The following ZZZ3 variants were observed in gnomAD, a reference collection of about 807,000 sequenced individuals.
ZZZ3 encodes zinc finger ZZ-type containing 3, also known as ZZ-type zinc finger-containing protein 3.
ZZZ3 carries 22 observed loss-of-function variants against 95.2 expected under a neutral mutation model. That is an observed-to-expected ratio of 0.23 (90% CI 0.17 to 0.33). ZZZ3 has a LOEUF of 0.33. ZZZ3 is among the 10% of genes least tolerant of loss of function. The pLI, the probability that ZZZ3 is intolerant of heterozygous loss-of-function variation, is 1.00. For synonymous variants in ZZZ3, 335 were observed against 358.9 expected (o/e 0.93, Z 0.75); for missense variants, 885 against 1,066.5 (o/e 0.83, Z 2.37).
chr1:77,641,077 A>T (rs1668736354), intron 3 of ZZZ3: 1 of 152,468 alleles, frequency 6.6e-6, no homozygotes, highest in Non-Finnish European at 1.5e-5. Context: ...TTGAAAACCC[A>T]CTCTTCTTAT....
rs571114130 is a variant in ZZZ3, at chr1:77,623,012, A to G, written c.1505+8838T>C. ...AGAGACATCCACTTACAGTCATAAC[A>G]GAGTAACTGACACAGAATGGCCATC... On this transcript the variant is annotated intron_variant, in intron 5 of 14. Coordinates refer to ENST00000370801, the MANE Select transcript of ZZZ3 (RefSeq NM_015534.6). Among the ~76,000 whole-genome samples, 8 of 152,346 alleles carry G rather than the reference A, an allele frequency of 5.3e-5. No homozygotes were observed. The South Asian group carries it at 1.7e-3, about 32-fold the overall frequency.
At chr1:77,578,216 G>T (rs1662157093) in intron 11 of ZZZ3, among the ~76,000 whole-genome samples, 1 of 152,132 alleles carries the variant, frequency 6.6e-6, no homozygotes, top group South Asian at 2.1e-4. Context: ...TATATTTCAA[G>T]AATTGTAGAA....
chr1:77,601,752 C>T (rs1306276885), intron 5 of ZZZ3, among the ~76,000 whole-genome samples: 1 of 152,096 alleles, frequency 6.6e-6, no homozygotes, highest in Admixed American at 6.5e-5. Context: ...ATGCTAAGCC[C>T]TTTACAACCT....
Position 77,587,069 on chromosome 1 carries a change from A to C in ZZZ3, c.1506-2414T>G, listed in dbSNP as rs554391856. Among the ~76,000 whole-genome samples, 296 of 152,266 alleles carry C rather than the reference A, an allele frequency of 1.9e-3. 2 individuals carry two copies. Among genetic ancestry groups the C allele is most frequent in the Non-Finnish European group, 3.6e-3 (245 of 68,018 alleles). On this transcript the variant is annotated intron_variant, in intron 5 of 14. Transcript: ENST00000370801. ...AATTATCAAGATAAACCAGGCATGG[A>C]GTCTAAGTGTAATAGAGGAGCTACA...
At chr1:77,645,515 A>C (rs117197437) in intron 1 of ZZZ3, 1 of 152,544 alleles carries the variant, frequency 6.6e-6, no homozygotes, top group Non-Finnish European at 1.5e-5. Flanking sequence ...GAATGGGCCA[A>C]GGTCAGAAAC....
At chr1:77,682,442 T>C (rs1020194332) in intron 1 of ZZZ3, 143 bp downstream of exon 1, 2 of 152,844 alleles carry the variant, frequency 1.3e-5, no homozygotes, top group East Asian at 1.9e-4. Context: ...CTTTTGCAGG[T>C]GGTGGAGCGC....
intron 5 of ZZZ3, among the ~76,000 whole-genome samples, chr1:77,590,272 G>A (rs1663548015): frequency 6.6e-6 from 1 of 152,196 alleles, no homozygotes; most frequent in Non-Finnish European, 1.5e-5. Context: ...TACCTGGGAG[G>A]CTGAGGCAGG....
At chr1:77,600,763 T>C (rs918372251) in intron 5 of ZZZ3, among the ~76,000 whole-genome samples, 1 of 151,438 alleles carries the variant, frequency 6.6e-6, no homozygotes, top group Non-Finnish European at 1.5e-5. Context: ...GAAAAAAGAG[T>C]TGAGACTCAA....
At chr1:77,602,753 G>T (rs1162705422) in intron 5 of ZZZ3, among the ~76,000 whole-genome samples, 1 of 151,816 alleles carries the variant, frequency 6.6e-6, no homozygotes, top group Non-Finnish European at 1.5e-5. Flanking sequence ...TTACAGATGT[G>T]CATCACCATA....
intron 5 of ZZZ3, among the ~76,000 whole-genome samples, chr1:77,630,118 T>C (rs1667665062): frequency 6.6e-6 from 1 of 152,192 alleles, no homozygotes; most frequent in Non-Finnish European, 1.5e-5. Context: ...TCTTTAGTTT[T>C]TGGTATTTTC....
In ZZZ3 at chr1:77,566,095, A is replaced by G; in HGVS notation, c.2553T>C (p.Asp851=). 1 of 1,612,838 alleles carries G rather than the reference A, an allele frequency of 6.2e-7. No individual in the cohort carries two copies. Among genetic ancestry groups the G allele is most frequent in the Non-Finnish European group, 8.5e-7 (1 of 1,179,308 alleles). Reference sequence around the variant, plus strand: ...AAAACACTTACCAGTCTGAACAAGAATCACAGAAATCCAAAGACATTTCTG... The same window carrying G: ...AAAACACTTACCAGTCTGAACAAGAGTCACAGAAATCCAAAGACATTTCTG... The part of the protein sequence containing the change: ...CPPEMSLDFC[D]SCSDCLHETD... Residue 851 remains aspartate, a synonymous_variant, in exon 14 of 15, where the codon GAT becomes GAC. Transcript: ENST00000370801.
chr1:77,649,829 C>T (rs374311501), intron 1 of ZZZ3, among the ~76,000 whole-genome samples: 7 of 151,530 alleles, frequency 4.6e-5, no homozygotes, highest in Admixed American at 4.6e-4. Context: ...GCCGAGATTG[C>T]GCCATGGCAC....
chr1:77,602,912 A>T (rs1326460743), intron 5 of ZZZ3, among the ~76,000 whole-genome samples: 2 of 151,894 alleles, frequency 1.3e-5, no homozygotes, highest in Non-Finnish European at 2.9e-5. Flanking sequence ...TACATGAGTT[A>T]TGAGTATGAT....
intron 5 of ZZZ3, among the ~76,000 whole-genome samples, chr1:77,631,060 T>G (rs1667762434): frequency 6.6e-6 from 1 of 152,234 alleles, no homozygotes; most frequent in Admixed American, 6.5e-5. Flanking sequence ...TTTTCAGGAT[T>G]ATCTAGACAT....
At chr1:77,587,339 C>A (rs1272339694) in intron 5 of ZZZ3, among the ~76,000 whole-genome samples, 1 of 147,114 alleles carries the variant, frequency 6.8e-6, no homozygotes, top group Non-Finnish European at 1.5e-5. Context: ...ATCTCGGCTC[C>A]CTGCAAGCTC....
chr1:77,622,161 G>C (rs1285376738), intron 5 of ZZZ3, among the ~76,000 whole-genome samples: 33 of 145,364 alleles, frequency 2.3e-4, no homozygotes, highest in Admixed American at 2.3e-3. Flanking sequence ...AAAAAAATTA[G>C]CCAGGTGTGG....
At chr1:77,614,460 C>G (rs1318462031) in intron 5 of ZZZ3, among the ~76,000 whole-genome samples, 1 of 152,202 alleles carries the variant, frequency 6.6e-6, no homozygotes, top group African/African-American at 2.4e-5. Context: ...TCTGTTTCCT[C>G]ATCAGCACAA....
At chr1:77,639,251 T>C (rs1321521514) in intron 4 of ZZZ3, among the ~76,000 whole-genome samples, 198 bp downstream of exon 4, 3 of 151,028 alleles carry the variant, frequency 2.0e-5, no homozygotes, top group East Asian at 3.9e-4. Flanking sequence ...TTATACCCCA[T>C]TGAAAAAAAA....
At chr1:77,611,068 C>A (rs1665745964) in intron 5 of ZZZ3, among the ~76,000 whole-genome samples, 1 of 151,444 alleles carries the variant, frequency 6.6e-6, no homozygotes, top group African/African-American at 2.4e-5. Context: ...ACATAGAAAA[C>A]CCTAAAGACT....
Sources: allele counts gnomAD v4.1 joint callset (sites outside exome capture counted in the v4.1 genomes callset), GRCh38; gene constraint gnomAD v4.1.1; transcripts MANE v1.5; gene names NCBI Gene and HGNC (gene_info 2026-07-23, HGNC 2026-07-21).